Variants in CMIP observed in about 807,000 individuals in gnomAD.
CMIP encodes C-Maf-inducing protein.
Under a neutral mutation model 97.3 loss-of-function variants are expected in CMIP, and 13 were observed. That is an observed-to-expected ratio of 0.13 (90% CI 0.09 to 0.21). CMIP has a LOEUF of 0.21. CMIP is among the 10% of genes least tolerant of loss of function. CMIP has a pLI of 1.00. For synonymous variants in CMIP, 538 were observed against 436.3 expected, an observed-to-expected ratio of 1.23 and a Z score of -2.91; for missense variants, 847 against 1,024.9, an observed-to-expected ratio of 0.83 and a Z score of 2.37.
chr16:81,498,547 G>C (rs545707001), intron 1 of CMIP, among the ~76,000 whole-genome samples: 51 of 152,324 alleles, frequency 3.3e-4, no homozygotes, highest in African/African-American at 1.2e-3. Context: ...CACTCTGAGA[G>C]GGTCCTTCCA....
chr16:81,604,729 A>G (rs1597137771), intron 1 of CMIP, among the ~76,000 whole-genome samples: 3 of 152,136 alleles, frequency 2.0e-5, no homozygotes, highest in Non-Finnish European at 4.4e-5. Flanking sequence ...AACAGTATGT[A>G]TTTATTTATA....
intron 17 of CMIP, among the ~76,000 whole-genome samples, chr16:81,703,592 CACAT>C (rs1049876814): frequency 9.6e-5 from 14 of 146,340 alleles, no homozygotes; most frequent in South Asian, 6.6e-4. Flanking sequence ...CAGATATACA[CACAT>C]ACAGGCACAC....
At chr16:81,538,374 T>G (rs1870924) in intron 1 of CMIP, among the ~76,000 whole-genome samples, 46,762 of 152,156 alleles carry the variant, frequency 0.31, 7,376 homozygotes, top group East Asian at 0.5. Flanking sequence ...AATTTCACTC[T>G]AAGGGGTTGT....
chr16:81,631,184 A>T (rs1417644035), intron 3 of CMIP: 1 of 152,214 alleles, frequency 6.6e-6, no homozygotes, highest in Non-Finnish European at 1.5e-5. Flanking sequence ...ATTACTAGGC[A>T]CCTACTAGGG....
At chr16:81,619,144 G>A (rs551465269) in intron 2 of CMIP, 28 of 152,188 alleles carry the variant, frequency 1.8e-4, no homozygotes, top group Admixed American at 2.6e-4. Context: ...AGCCCTTGTC[G>A]GAGTTCCTGT....
intron 11 of CMIP, among the ~76,000 whole-genome samples, chr16:81,692,433 A>AG (rs1462858747): frequency 6.6e-6 from 1 of 152,186 alleles, no homozygotes; most frequent in African/African-American, 2.4e-5. Context: ...AATGGCCTGA[A>AG]GAGAAGGCTT....
chr16:81,680,999 C>A (rs1351245152), intron 10 of CMIP, among the ~76,000 whole-genome samples: 1 of 152,226 alleles, frequency 6.6e-6, no homozygotes, highest in African/African-American at 2.4e-5. Context: ...TCTCCCCCAT[C>A]TGCGTCCAGA....
chr16:81,517,995 G>T (rs1385435488), intron 1 of CMIP: 3 of 774,952 alleles, frequency 3.9e-6, no homozygotes, highest in African/African-American at 3.8e-5. Context: ...GTAAGTGACG[G>T]GGGTCCCTTT....
rs1908566129 is a variant in CMIP at position 81,709,852 on chromosome 16, G to A, written c.*53G>A. The A allele has an allele frequency of 2.0e-6, 3 of 1,466,452 alleles. No individual in the cohort carries two copies. The highest frequency in any genetic ancestry group is 3.1e-5 in the East Asian group (1 of 32,422). The allele number at this position is 1,466,452 out of a possible 1,614,324, so 90.8% of individuals were successfully genotyped here. ...TTGCAACCGCGACAAAATAACTCTT[G>A]ACTAACAGCCGCAGAGCAGCCGGTC... On this transcript the variant is annotated 3_prime_UTR_variant, in exon 21 of 21. Transcript: ENST00000537098.
At chr16:81,594,661 T>C (rs2091522357) in intron 1 of CMIP, among the ~76,000 whole-genome samples, 1 of 152,164 alleles carries the variant, frequency 6.6e-6, no homozygotes. Flanking sequence ...TTCCCCAGGC[T>C]GGAGTGCAGT....
At chr16:81,690,006 T>C (rs1161193992) in intron 10 of CMIP, among the ~76,000 whole-genome samples, 1 of 152,214 alleles carries the variant, frequency 6.6e-6, no homozygotes, top group Non-Finnish European at 1.5e-5. Flanking sequence ...TCTGTTCCAT[T>C]GGTCTGTATC....
Position 81,602,352 on chromosome 16 carries a change from A to G in CMIP, c.301-5215A>G, listed in dbSNP as rs79389757. 1.6e-4 allele frequency among the ~76,000 whole-genome samples: 25 copies of G among 152,386 alleles called. No homozygotes were observed. The East Asian group carries it at 3.7e-3, about 22-fold the overall frequency. On this transcript the variant is annotated intron_variant, in intron 1 of 20. Coordinates refer to ENST00000537098, the MANE Select transcript of CMIP (RefSeq NM_198390.3). ...AAAGTCACACACCAGAGTGCTAATG[A>G]GTGGTCTTGATTGGATTTTTATGGG...
rs944329229 is a variant in CMIP at position 81,445,976 on chromosome 16, C to A, written c.300+435C>A. On this transcript the variant is annotated intron_variant, in intron 1 of 20. Coordinates refer to ENST00000537098, the MANE Select transcript of CMIP (RefSeq NM_198390.3). ...CACCCCTCAGATTTAAAAAAAAAAA[C>A]AAACAACACAACAAAACCTCCAAAC... Among the ~76,000 whole-genome samples, 194 of 150,578 alleles carry A rather than the reference C, an allele frequency of 1.3e-3. 1 individual carries two copies. Among genetic ancestry groups the A allele is most frequent in the Non-Finnish European group, 2.4e-3 (163 of 67,702 alleles).
chr16:81,597,595 G>C (rs897048610), intron 1 of CMIP, among the ~76,000 whole-genome samples: 4 of 97,762 alleles, frequency 4.1e-5, no homozygotes, highest in African/African-American at 1.3e-4. Context: ...GAGGGGAGCG[G>C]GGGGGGGGGA....
rs908969495 is a variant in CMIP, at chr16:81,621,105, C to G, written c.477+179C>G. ...CCCTTCGTCCTCTGCTGTTCAATTC[C>G]TGTCCCCTGCAGTGCTGAAATAGCA... On this transcript the variant is annotated intron_variant, in intron 3 of 20. Transcript: ENST00000537098. This position sits in a 1 kb window ranked among gnomAD's most constrained non-coding sequence, Gnocchi z 4.1. 3.2e-6 allele frequency: 2 copies of G among 628,574 alleles called. No homozygotes were observed. The highest frequency in any genetic ancestry group is 3.7e-5 in the African/African-American group (2 of 54,224). The allele number at this position is 628,574 out of a possible 1,614,324, so 38.9% of individuals were successfully genotyped here.
At chr16:81,519,162 G>A (rs1224040710) in intron 1 of CMIP, 1 of 152,184 alleles carries the variant, frequency 6.6e-6, no homozygotes, top group African/African-American at 2.4e-5. Flanking sequence ...AAGTAGCAGG[G>A]TGTGGTGATG....
intron 1 of CMIP, among the ~76,000 whole-genome samples, chr16:81,589,465 A>G (rs558847155): frequency 1.1e-4 from 17 of 151,766 alleles, no homozygotes; most frequent in African/African-American, 4.1e-4. Context: ...CACAGTAGAA[A>G]CATATATGCA....
intron 1 of CMIP, among the ~76,000 whole-genome samples, chr16:81,577,954 C>T (rs2091227319): frequency 6.7e-6 from 1 of 149,312 alleles, no homozygotes; most frequent in Admixed American, 6.6e-5. Context: ...CACCATCATC[C>T]CCATTACCAC....
intron 5 of CMIP, among the ~76,000 whole-genome samples, 178 bp downstream of exon 5, chr16:81,657,994 C>T (rs2092503913): frequency 6.6e-6 from 1 of 152,040 alleles, no homozygotes; most frequent in African/African-American, 2.4e-5. Flanking sequence ...ATTTCAGAGC[C>T]CCAGTTGATA....
Sources: gnomAD v4.1 joint callset for allele counts (sites outside exome capture counted in the v4.1 genomes callset) on GRCh38, gnomAD v4.1.1 for gene constraint, Gnocchi (gnomAD v3.1) non-coding constraint, MANE v1.5 for transcripts, NCBI Gene and HGNC (gene_info 2026-07-23, HGNC 2026-07-21) for gene names.